Variants in GJC2 observed in about 807,000 individuals in gnomAD.
GJC2 encodes the protein gap junction gamma-2 protein.
For missense variants in GJC2, 647 were observed against 648.9 expected, an observed-to-expected ratio of 1.00 and a Z score of 0.03; for synonymous variants, 336 against 307.5, an observed-to-expected ratio of 1.09 and a Z score of -0.97.
Position 228,158,916 on chromosome 1 carries a change from A to G in GJC2, c.1158A>G (p.Arg386=), listed in dbSNP as rs763695821. The change falls in exon 2 of 2, where the codon AGA becomes AGG. Residue 386 remains arginine, a synonymous_variant. Coordinates refer to ENST00000366714, the MANE Select transcript of GJC2 (RefSeq NM_020435.4). The surrounding 1 kb of genome is among the most constrained non-coding windows in gnomAD (Gnocchi z 8.3). ...GLPAASRGPP[R]AGAPASRTGS... is the part of the protein sequence containing the mutation. ...CTGCGGCCTCCCGGGGGCCCCCCAG[A>G]GCAGGCGCCCCCGCGTCCCGGACGG... 13 of 1,507,586 alleles carry G rather than the reference A, an allele frequency of 8.6e-6. No homozygotes were observed. The Admixed American group carries it at 2.6e-4, about 30-fold the overall frequency. 93.4% of individuals were successfully genotyped at this position (1,507,586 alleles called of 1,614,324 possible).
At chr1:228,154,785 G>A (rs914377370) in intron 1 of GJC2, among the ~76,000 whole-genome samples, 2 of 152,226 alleles carry the variant, frequency 1.3e-5, no homozygotes, top group African/African-American at 2.4e-5. Flanking sequence ...GGTGCTCTAC[G>A]TGCAGGTGCT....
Position 228,158,240 on chromosome 1 carries a change from C to A in GJC2, c.482C>A (p.Ala161Glu), listed in dbSNP as rs1270633258. Residue 161 changes from alanine (A) to glutamate (E), a missense_variant, in exon 2 of 2, where the codon GCA (alanine) becomes GAA (glutamate). Physicochemically the swap from Ala to Glu is moderately radical, Grantham distance 107. Transcript: ENST00000366714. This position sits in a 1 kb window ranked among gnomAD's most constrained non-coding sequence, Gnocchi z 8.3. ...GEEEEEEETG[A>E]AEGAGEEAEE... ...GAGGAGGAGGAGGAGGAGACGGGGG[C>A]AGCCGAGGGCGCCGGCGAGGAAGCG... The A allele has an allele frequency of 1.3e-6, 2 of 1,508,164 alleles. No individual in the cohort carries two copies. The highest frequency in any genetic ancestry group is 4.1e-5 in the Admixed American group (2 of 48,912). 93.4% of individuals were successfully genotyped at this position (1,508,164 alleles called of 1,614,324 possible). A position where few individuals can be genotyped will look rare whatever the true frequency, so the allele number is the denominator to read the frequency against.
rs1336139614 is a variant in GJC2, at chr1:228,158,792, C to A, written c.1034C>A (p.Ala345Glu). Residue 345 changes from alanine to glutamate, a missense_variant, in exon 2 of 2, where the codon GCG becomes GAG. Physicochemically the swap from Ala to Glu is moderately radical, Grantham distance 107 (BLOSUM62 -1). Coordinates refer to ENST00000366714, the MANE Select transcript of GJC2 (RefSeq NM_020435.4). This position sits in a 1 kb window ranked among gnomAD's most constrained non-coding sequence, Gnocchi z 8.3. The stretch of plus-strand genomic sequence containing the variant: ...GTGCGGGCGGCCGAGCGCGCTCGGG[C>A]GCATGACCAGAACCTGGCAAACCTG... Reference protein sequence around the residue: ...LVVRAAERARAHDQNLANLAL... With the variant: ...LVVRAAERAREHDQNLANLAL... The A allele has an allele frequency of 7.0e-7, 1 of 1,435,294 alleles. No homozygotes were observed. The highest frequency in any genetic ancestry group is 9.1e-7 in the Non-Finnish European group (1 of 1,097,718). The allele number at this position is 1,435,294 out of a possible 1,614,324, so 88.9% of individuals were successfully genotyped here.
chr1:228,159,079 G>C lies in GJC2; in HGVS notation c.*1G>C. ...CGGGAAGACCACCGTGTGGATCTGA[G>C]GGCGCTGGCTTGCGAGCTGGGCCAG... On this transcript the variant is annotated 3_prime_UTR_variant, in exon 2 of 2. Coordinates refer to ENST00000366714, the MANE Select transcript of GJC2 (RefSeq NM_020435.4). This position sits in a 1 kb window ranked among gnomAD's most constrained non-coding sequence, Gnocchi z 4.0. The C allele has an allele frequency of 6.2e-7, 1 of 1,610,464 alleles. No homozygotes were observed. The highest frequency in any genetic ancestry group is 8.5e-7 in the Non-Finnish European group (1 of 1,179,618).
Position 228,158,295 on chromosome 1 carries a change from T to TA in GJC2, c.539dup (p.Ala181GlyfsTer5), listed in dbSNP as rs1211238352. The TA allele has an allele frequency of 2.6e-6, 4 of 1,538,866 alleles. No individual in the cohort carries two copies. Among genetic ancestry groups the TA allele is most frequent in the Non-Finnish European group, 3.5e-6 (4 of 1,144,926 alleles). On this transcript the variant is annotated frameshift_variant, in exon 2 of 2. Coordinates refer to ENST00000366714, the MANE Select transcript of GJC2 (RefSeq NM_020435.4). LOFTEE classifies it low-confidence loss of function (END_TRUNC). This position sits in a 1 kb window ranked among gnomAD's most constrained non-coding sequence, Gnocchi z 8.3. ...AGGCAGGCGCGGAGGAGGCGTGCAC[T>TA]AAGGCGGTCGGCGCTGACGGCAAGG... is the stretch of plus-strand genomic sequence containing the variant.
intron 1 of GJC2, 71 bp from the exon 2 acceptor site, chr1:228,157,669 T>G: frequency 1.2e-6 from 1 of 851,132 alleles, no homozygotes; most frequent in East Asian, 2.7e-5. Context: ...GAGGCAAGCC[T>G]GGAGCCCCGG....
In GJC2 at chr1:228,159,258, T is replaced by A; in HGVS notation, c.*180T>A. 1.4e-6 allele frequency: 1 copy of A among 716,660 alleles called. No homozygotes were observed. The highest frequency in any genetic ancestry group is 1.8e-5 in the African/African-American group (1 of 54,960). 44.4% of individuals were successfully genotyped at this position (716,660 alleles called of 1,614,324 possible). On this transcript the variant is annotated 3_prime_UTR_variant, in exon 2 of 2. Coordinates refer to ENST00000366714, the MANE Select transcript of GJC2 (RefSeq NM_020435.4). This position sits in a 1 kb window ranked among gnomAD's most constrained non-coding sequence, Gnocchi z 4.0. ...GCGGCAGAGGAGTGCCCTGGCTTGGTCACCACTGGGGCCAAGGTGGGGTGG... is the reference window on the plus strand; with the variant it reads ...GCGGCAGAGGAGTGCCCTGGCTTGGACACCACTGGGGCCAAGGTGGGGTGG...
chr1:228,155,705 C>T (rs1649575682), intron 1 of GJC2, among the ~76,000 whole-genome samples: 1 of 147,654 alleles, frequency 6.8e-6, no homozygotes, highest in Non-Finnish European at 1.5e-5. Context: ...GTGACACAGG[C>T]CCCCAGAGCT....
rs779527369 is a variant in GJC2, at chr1:228,158,344, G to A, written c.586G>A (p.Gly196Arg). Reference protein sequence around the residue: ...GKAAGTPGPTGQHDGRRRIQR... With the variant: ...GKAAGTPGPTRQHDGRRRIQR... ...GGCGGCAGGGACCCCGGGCCCGACC[G>A]GGCAACACGATGGGCGGAGGCGCAT... Residue 196 changes from glycine to arginine, a missense_variant, in exon 2 of 2, where the codon GGG becomes AGG. Gly to Arg is a moderately radical substitution (Grantham distance 125). Coordinates refer to ENST00000366714, the MANE Select transcript of GJC2 (RefSeq NM_020435.4). The surrounding 1 kb of genome is among the most constrained non-coding windows in gnomAD (Gnocchi z 8.3). 1.3e-6 allele frequency: 2 copies of A among 1,581,704 alleles called. No individual in the cohort carries two copies. The highest frequency in any genetic ancestry group is 1.7e-6 in the Non-Finnish European group (2 of 1,168,062).
At position 228,158,526 on chromosome 1, in the gene GJC2, C is replaced by G. The variant is rs1571908096; in HGVS notation, c.768C>G (p.Cys256Trp). The change falls in exon 2 of 2, where the codon TGC becomes TGG. Residue 256 changes from cysteine to tryptophan, a missense_variant. By Grantham distance (215) the Cys-to-Trp change is radical. Transcript: ENST00000366714. The surrounding 1 kb of genome is among the most constrained non-coding windows in gnomAD (Gnocchi z 8.3). ...SRQPCPHVVDCFVSRPTEKTV... is the reference protein window; with the variant it reads ...SRQPCPHVVDWFVSRPTEKTV... ...AGCCCTGCCCGCACGTGGTGGACTGCTTCGTGTCGCGCCCTACTGAAAAGA... is the reference window on the plus strand; with the variant it reads ...AGCCCTGCCCGCACGTGGTGGACTGGTTCGTGTCGCGCCCTACTGAAAAGA... 6.2e-7 allele frequency: 1 copy of G among 1,613,006 alleles called. No homozygotes were observed. Among genetic ancestry groups the G allele is most frequent in the East Asian group, 2.2e-5 (1 of 44,840 alleles).
At position 228,158,399 on chromosome 1, in the gene GJC2, T is replaced by G. The variant is rs1558119922; in HGVS notation, c.641T>G (p.Val214Gly). ...IQREGLMRVYVAQLVARAAFE... is the reference protein window; with the variant it reads ...IQREGLMRVYGAQLVARAAFE... ...CGGGAGGGCCTGATGCGCGTGTACG[T>G]GGCCCAGCTGGTGGCCAGGGCAGCT... is the stretch of plus-strand genomic sequence containing the variant. The change falls in exon 2 of 2, where the codon GTG (valine) becomes GGG (glycine). Residue 214 changes from valine to glycine, a missense_variant. Transcript: ENST00000366714. The surrounding 1 kb of genome is among the most constrained non-coding windows in gnomAD (Gnocchi z 8.3). 6.2e-7 allele frequency: 1 copy of G among 1,605,496 alleles called. No homozygotes were observed. Among genetic ancestry groups the G allele is most frequent in the South Asian group, 1.1e-5 (1 of 91,022 alleles).
rs1310468374 is a variant in GJC2 at position 228,150,054 on chromosome 1, TTGCCCCAGGAGACAGCCTCACGCTG to T, written c.-20+54_-20+78del. 2.6e-5 allele frequency: 4 copies of T among 152,278 alleles called. No individual in the cohort carries two copies. Among genetic ancestry groups the T allele is most frequent in the Non-Finnish European group, 5.9e-5 (4 of 68,114 alleles). 9.4% of individuals were successfully genotyped at this position (152,278 alleles called of 1,614,324 possible). A position where few individuals can be genotyped will look rare whatever the true frequency, so the allele number is the denominator to read the frequency against. Reference sequence around the variant, plus strand: ...ATGTACCTCATGGGGCTGGGGGCTGTTGCCCCAGGAGACAGCCTCACGCTGTGCCCCTTGGCCTTGAGGCCCCGAA... The same window carrying T: ...ATGTACCTCATGGGGCTGGGGGCTGTTGCCCCTTGGCCTTGAGGCCCCGAA... On this transcript the variant is annotated intron_variant, in intron 1 of 1. Transcript: ENST00000366714. The surrounding 1 kb of genome is among the most constrained non-coding windows in gnomAD (Gnocchi z 4.6).
At chr1:228,155,389 G>A (rs1334242109) in intron 1 of GJC2, among the ~76,000 whole-genome samples, 1 of 152,222 alleles carries the variant, frequency 6.6e-6, no homozygotes, top group Non-Finnish European at 1.5e-5. Context: ...GTCCTGCTGG[G>A]TGGGCGTCCT....
chr1:228,154,791 G>A lies in GJC2; in HGVS notation c.-19-2949G>A, dbSNP rs546534261. On this transcript the variant is annotated intron_variant, in intron 1 of 1. Transcript: ENST00000366714. ...CAGGCACTGGGTGCTCTACGTGCAG[G>A]TGCTGCTTGCACAGACTTCCTCTCT... Among the ~76,000 whole-genome samples, 21 of 152,356 alleles carry A rather than the reference G, an allele frequency of 1.4e-4. No homozygotes were observed. In the South Asian group the frequency reaches 4.3e-3, roughly 32 times the overall value.
At chr1:228,156,281 TGA>T (rs376773151) in intron 1 of GJC2, among the ~76,000 whole-genome samples, 11 of 152,372 alleles carry the variant, frequency 7.2e-5, no homozygotes, top group African/African-American at 2.4e-4. Context: ...CATCTGCATG[TGA>T]GTGCAAAGAA....
intron 1 of GJC2, among the ~76,000 whole-genome samples, chr1:228,154,354 T>A (rs1218815785): frequency 2.0e-5 from 3 of 152,146 alleles, no homozygotes; most frequent in Non-Finnish European, 4.4e-5. Context: ...CATGTTTCCT[T>A]ATGAGTCTTC....
chr1:228,158,752 G>C lies in GJC2; in HGVS notation c.994G>C (p.Asp332His). ...AAAAGLACPP[D>H]YSLVVRAAER... ...GGCCGCTGGCTTGGCCTGCCCGCCCGACTACAGCCTGGTGGTGCGGGCGGC... is the reference window on the plus strand; with the variant it reads ...GGCCGCTGGCTTGGCCTGCCCGCCCCACTACAGCCTGGTGGTGCGGGCGGC... Residue 332 changes from aspartate (D) to histidine (H), a missense_variant, in exon 2 of 2, where the codon GAC (aspartate) becomes CAC (histidine). By Grantham distance (81) the Asp-to-His change is moderately conservative. Transcript: ENST00000366714. This position sits in a 1 kb window ranked among gnomAD's most constrained non-coding sequence, Gnocchi z 8.3. The C allele has an allele frequency of 1.4e-6, 2 of 1,385,400 alleles. No individual in the cohort carries two copies. The highest frequency in any genetic ancestry group is 1.9e-6 in the Non-Finnish European group (2 of 1,068,402). The allele number at this position is 1,385,400 out of a possible 1,614,324, so 85.8% of individuals were successfully genotyped here. A position where few individuals can be genotyped will look rare whatever the true frequency, so the allele number is the denominator to read the frequency against.
chr1:228,158,481 G>T lies in GJC2; in HGVS notation c.723G>T (p.Pro241=). 6.2e-7 allele frequency: 1 copy of T among 1,612,168 alleles called. No homozygotes were observed. The highest frequency in any genetic ancestry group is 8.5e-7 in the Non-Finnish European group (1 of 1,179,608). ...TGCTGTACGGCTTCGAGGTGCGACC[G>T]TTCTTTCCCTGCAGCCGCCAGCCCT... ...QYLLYGFEVR[P]FFPCSRQPCP... Residue 241 remains proline (P), a synonymous_variant, in exon 2 of 2, where the codon CCG becomes CCT. Transcript: ENST00000366714. This position sits in a 1 kb window ranked among gnomAD's most constrained non-coding sequence, Gnocchi z 8.3.
Position 228,150,733 on chromosome 1 carries a change from C to G in GJC2, c.-20+726C>G, listed in dbSNP as rs994761998. ...GGCTGCTGCGCAGGGAGGCCACAGC[C>G]CAGGCGCGGGGGCCCCCATCCCAGA... On this transcript the variant is annotated intron_variant, in intron 1 of 1. Coordinates refer to ENST00000366714, the MANE Select transcript of GJC2 (RefSeq NM_020435.4). This position sits in a 1 kb window ranked among gnomAD's most constrained non-coding sequence, Gnocchi z 4.6. Among the ~76,000 whole-genome samples, 1 of 152,088 alleles carries G rather than the reference C, an allele frequency of 6.6e-6. No homozygotes were observed. Among genetic ancestry groups the G allele is most frequent in the Non-Finnish European group, 1.5e-5 (1 of 67,984 alleles).
Sources: gnomAD v4.1 joint callset for allele counts (sites outside exome capture counted in the v4.1 genomes callset) on GRCh38, gnomAD v4.1.1 for gene constraint, Gnocchi (gnomAD v3.1) non-coding constraint, MANE v1.5 for transcripts, NCBI Gene and HGNC (gene_info 2026-07-23, HGNC 2026-07-21) for gene names.